Variants in GRIN2A observed in about 807,000 individuals in gnomAD.
The protein encoded by GRIN2A is glutamate ionotropic receptor NMDA type subunit 2A.
A neutral mutation model predicts 113.4 loss-of-function variants in GRIN2A; 22 were observed. The observed-to-expected ratio is 0.19, with a 90% CI of 0.14 to 0.28. The LOEUF (loss-of-function observed/expected upper bound fraction) is 0.28. Among genes scored for constraint, GRIN2A ranks in the 10% least tolerant of loss-of-function variants. The pLI, the probability that GRIN2A is intolerant of heterozygous loss-of-function variation, is 1.00. For synonymous variants in GRIN2A, 827 were observed against 738.4 expected (o/e 1.12, Z -1.94); for missense variants, 1,502 against 1,887.0 (o/e 0.80, Z 3.78).
intron 7 of GRIN2A, among the ~76,000 whole-genome samples, chr16:9,836,471 C>A (rs2042585130): frequency 6.6e-6 from 1 of 152,196 alleles, no homozygotes; most frequent in African/African-American, 2.4e-5. Flanking sequence ...AATCTGTAAA[C>A]CTGCAGTGAA....
intron 5 of GRIN2A, among the ~76,000 whole-genome samples, chr16:9,848,350 G>A (rs894267469): frequency 6.7e-6 from 1 of 150,334 alleles, no homozygotes; most frequent in Admixed American, 6.6e-5. Flanking sequence ...TGAGTAGCTG[G>A]GATCACAGGC....
At chr16:10,054,883 T>C (rs2047418964) in intron 2 of GRIN2A, among the ~76,000 whole-genome samples, 1 of 150,610 alleles carries the variant, frequency 6.6e-6, no homozygotes, top group African/African-American at 2.4e-5. Flanking sequence ...CCATCTCTAC[T>C]AAGAACACAA....
intron 4 of GRIN2A, among the ~76,000 whole-genome samples, chr16:9,870,216 G>A (rs1416694454): frequency 1.3e-5 from 2 of 152,148 alleles, no homozygotes; most frequent in Non-Finnish European, 2.9e-5. Flanking sequence ...AATTCCATTT[G>A]CTAGTTTGAG....
intron 5 of GRIN2A, among the ~76,000 whole-genome samples, chr16:9,847,279 G>A (rs573943653): frequency 2.6e-5 from 4 of 152,142 alleles, no homozygotes; most frequent in East Asian, 1.9e-4. Flanking sequence ...AAAGGAAGCC[G>A]GACACAGTGG....
At chr16:10,054,347 G>T (rs2047409282) in intron 2 of GRIN2A, among the ~76,000 whole-genome samples, 1 of 152,200 alleles carries the variant, frequency 6.6e-6, no homozygotes, top group African/African-American at 2.4e-5. Context: ...ACCATGGTTA[G>T]ATTCCGTTTT....
chr16:9,800,332 G>T (rs1903284057), intron 10 of GRIN2A, among the ~76,000 whole-genome samples: 2 of 152,136 alleles, frequency 1.3e-5, no homozygotes, highest in Admixed American at 1.3e-4. Context: ...AGGCTGAAAT[G>T]ATCACTGTGG....
At chr16:9,847,458 A>G (rs1312711189) in intron 5 of GRIN2A, among the ~76,000 whole-genome samples, 2 of 152,006 alleles carry the variant, frequency 1.3e-5, no homozygotes, top group African/African-American at 2.4e-5. Context: ...TCAGCTATTC[A>G]GGAGGTTGAG....
intron 2 of GRIN2A, chr16:9,943,281 C>G (rs1483741637): frequency 6.6e-6 from 1 of 152,224 alleles, no homozygotes; most frequent in South Asian, 2.1e-4. Context: ...GCACTTCTCT[C>G]CCCATGCTCA....
chr16:10,087,758 C>T (rs1266747104), intron 2 of GRIN2A, among the ~76,000 whole-genome samples: 1 of 152,034 alleles, frequency 6.6e-6, no homozygotes, highest in Non-Finnish European at 1.5e-5. Flanking sequence ...AGCATGATCT[C>T]AGCTCATTGC....
chr16:9,904,474 C>A (rs1211391501), intron 3 of GRIN2A, among the ~76,000 whole-genome samples: 1 of 152,138 alleles, frequency 6.6e-6, no homozygotes, highest in African/African-American at 2.4e-5. Context: ...CGGGTTCAAG[C>A]AATTCTCATG....
intron 2 of GRIN2A, among the ~76,000 whole-genome samples, chr16:10,137,486 T>G (rs780793018): frequency 2.0e-5 from 3 of 152,194 alleles, no homozygotes; most frequent in Non-Finnish European, 2.9e-5. Flanking sequence ...CAGTCCTTCC[T>G]GCACACTATG....
At chr16:9,796,490 T>G (rs375686706) in intron 11 of GRIN2A, among the ~76,000 whole-genome samples, 1 of 152,224 alleles carries the variant, frequency 6.6e-6, no homozygotes, top group African/African-American at 2.4e-5. Context: ...ACCTATCTCA[T>G]GAAAGGCAGA....
intron 2 of GRIN2A, among the ~76,000 whole-genome samples, chr16:10,167,253 C>G (rs1430277596): frequency 6.6e-6 from 1 of 152,124 alleles, no homozygotes; most frequent in Non-Finnish European, 1.5e-5. Flanking sequence ...CTGGAAGGGT[C>G]CGTAGCCTTC....
chr16:9,903,265 G>A (rs1458350952), intron 3 of GRIN2A, among the ~76,000 whole-genome samples: 1 of 151,998 alleles, frequency 6.6e-6, no homozygotes, highest in Admixed American at 6.6e-5. Flanking sequence ...ACCGTGCCCG[G>A]CCTCTCTTGG....
In GRIN2A at chr16:9,830,879, G is replaced by T. The variant is rs899625031; in HGVS notation, c.1778-1227C>A. ...TTCTCAAGAGGCAGGAAATTCTTGG[G>T]GAAAACTTAGAGTTAATCCAGTCAA... On this transcript the variant is annotated intron_variant, in intron 8 of 12. Transcript: ENST00000330684. 9.9e-5 allele frequency among the ~76,000 whole-genome samples: 15 copies of T among 151,846 alleles called. 1 individual carries two copies. The highest frequency in any genetic ancestry group is 3.4e-4 in the African/African-American group (14 of 41,196).
At chr16:10,141,823 A>AGAAGGGAATGATGCATTGCC (rs1301231360) in intron 2 of GRIN2A, among the ~76,000 whole-genome samples, 1 of 152,258 alleles carries the variant, frequency 6.6e-6, no homozygotes, top group African/African-American at 2.4e-5. Context: ...ACCAGAGCTC[A>AGAAGGGAATGATGCATTGCC]GAAGGGAATG....
chr16:9,780,568 A>T (rs933693450), intron 11 of GRIN2A, among the ~76,000 whole-genome samples: 8 of 152,262 alleles, frequency 5.3e-5, no homozygotes, highest in Non-Finnish European at 1.2e-4. Flanking sequence ...GGGCATATTG[A>T]CTGGCATGGG....
At chr16:9,811,570 T>A (rs2042087921) in intron 10 of GRIN2A, among the ~76,000 whole-genome samples, 1 of 152,094 alleles carries the variant, frequency 6.6e-6, no homozygotes, top group Non-Finnish European at 1.5e-5. Flanking sequence ...ACCAGCCTGG[T>A]ACAACGTGGC....
intron 2 of GRIN2A, among the ~76,000 whole-genome samples, chr16:10,039,838 G>GAGAGAGGGAGAGAGGAC (rs1567254030): frequency 1.0e-5 from 1 of 95,836 alleles, no homozygotes; most frequent in African/African-American, 4.8e-5. Flanking sequence ...AGAGAGAGGA[G>GAGAGAGGGAGAGAGGAC]TCCTGGTCCA....
Sources: gnomAD v4.1 joint callset for allele counts (sites outside exome capture counted in the v4.1 genomes callset) on GRCh38, gnomAD v4.1.1 for gene constraint, MANE v1.5 for transcripts, NCBI Gene and HGNC (gene_info 2026-07-23, HGNC 2026-07-21) for gene names.